The following NRXN3 variants were observed in gnomAD, a reference collection of about 807,000 sequenced individuals.
The protein encoded by NRXN3 is neurexin 3.
Under a neutral mutation model 137.6 loss-of-function variants are expected in NRXN3, and 32 were observed. The ratio of observed to expected loss-of-function variants is 0.23; its 90% CI spans 0.18 to 0.31. The LOEUF (loss-of-function observed/expected upper bound fraction) is 0.31. NRXN3 is among the 10% of genes least tolerant of loss of function. The pLI, the probability that NRXN3 is intolerant of heterozygous loss-of-function variation, is 1.00. For missense variants in NRXN3, 1,574 were observed against 2,062.5 expected, an observed-to-expected ratio of 0.76 and a Z score of 4.59; for synonymous variants, 798 against 784.5, an observed-to-expected ratio of 1.02 and a Z score of -0.29.
chr14:78,530,593 C>T (rs1325907485), intron 4 of NRXN3, among the ~76,000 whole-genome samples: 1 of 152,192 alleles, frequency 6.6e-6, no homozygotes, highest in African/African-American at 2.4e-5. Context: ...GTATGGCTCT[C>T]TTCCAGATAA....
intron 15 of NRXN3, among the ~76,000 whole-genome samples, chr14:79,115,102 A>G (rs1353664772): frequency 6.6e-6 from 1 of 152,010 alleles, no homozygotes; most frequent in Non-Finnish European, 1.5e-5. Context: ...ACAGAGGGCG[A>G]ATCACCTGAG....
intron 10 of NRXN3, among the ~76,000 whole-genome samples, chr14:78,917,461 A>G (rs752721326): frequency 6.6e-6 from 1 of 152,356 alleles, no homozygotes; most frequent in South Asian, 2.1e-4. Flanking sequence ...ACCGAAAATT[A>G]AAGTTAAAAA....
rs1567013645 is a variant in NRXN3, at chr14:78,225,981, GTGTGTGTGT to G, written c.-703-16409_-703-16401del. ...TGTGTGTGTGTGTGTGTTGGTGTGT[GTGTGTGTGT>G]GTGTGTGTGTGTGTGTGTGTGTGTG... On this transcript the variant is annotated intron_variant, in intron 1 of 20. Transcript: ENST00000335750. 2.6e-4 allele frequency among the ~76,000 whole-genome samples: 33 copies of G among 125,658 alleles called. No individual in the cohort carries two copies. The East Asian group carries it at 4.7e-3, about 18-fold the overall frequency. The allele number at this position is 125,658 out of a possible 152,430, so 82.4% of individuals were successfully genotyped here.
intron 4 of NRXN3, among the ~76,000 whole-genome samples, chr14:78,539,473 T>TA (rs1566685094): frequency 3.9e-5 from 6 of 152,200 alleles, no homozygotes; most frequent in Admixed American, 3.3e-4. Flanking sequence ...CCCTTTTTTT[T>TA]ATTGCATCTA....
intron 15 of NRXN3, among the ~76,000 whole-genome samples, chr14:79,303,634 G>A (rs1193161600): frequency 1.3e-5 from 2 of 151,922 alleles, no homozygotes; most frequent in African/African-American, 4.8e-5. Flanking sequence ...TTTTTTGTTG[G>A]GGGTGGGGGG....
At chr14:79,347,426 CTT>C (rs750931814) in intron 15 of NRXN3, among the ~76,000 whole-genome samples, 21 of 142,448 alleles carry the variant, frequency 1.5e-4, no homozygotes, top group East Asian at 2.0e-4. Flanking sequence ...CAACGTTTTC[CTT>C]TTTTTTTTTT....
At chr14:78,207,300 A>G (rs1053419597) in intron 1 of NRXN3, among the ~76,000 whole-genome samples, 1 of 152,078 alleles carries the variant, frequency 6.6e-6, no homozygotes, top group African/African-American at 2.4e-5. Context: ...CTTTCTCCAG[A>G]GCCCTGCCAC....
intron 10 of NRXN3, among the ~76,000 whole-genome samples, chr14:78,919,502 C>T (rs2099265335): frequency 6.6e-6 from 1 of 152,158 alleles, no homozygotes; most frequent in Non-Finnish European, 1.5e-5. Flanking sequence ...GTCATTTAAG[C>T]TGAATTGGGA....
rs146005520 is a variant in NRXN3 at position 78,236,289 on chromosome 14, C to G, written c.-703-6102C>G. 2.5e-3 allele frequency among the ~76,000 whole-genome samples: 388 copies of G among 152,306 alleles called. 2 individuals carry two copies. Among genetic ancestry groups the G allele is most frequent in the African/African-American group, 8.7e-3 (363 of 41,560 alleles). On this transcript the variant is annotated intron_variant, in intron 1 of 20. Coordinates refer to ENST00000335750, the MANE Select transcript of NRXN3 (RefSeq NM_001330195.2). ...CATTAACCACTATTCTGACATTTAA[C>G]AGCATAGAATAAATAATTTTGCCTC... is the stretch of plus-strand genomic sequence containing the variant.
chr14:79,141,580 A>G (rs1414586426), intron 15 of NRXN3, among the ~76,000 whole-genome samples: 1 of 152,178 alleles, frequency 6.6e-6, no homozygotes, highest in African/African-American at 2.4e-5. Flanking sequence ...AGGATCAGTG[A>G]ACAATATTAT....
chr14:79,673,010 G>A (rs927346466), intron 17 of NRXN3, among the ~76,000 whole-genome samples: 1 of 151,984 alleles, frequency 6.6e-6, no homozygotes, highest in Non-Finnish European at 1.5e-5. Flanking sequence ...AGCAGAGAAG[G>A]TAATGAAAGG....
intron 20 of NRXN3, among the ~76,000 whole-genome samples, chr14:79,828,730 A>G (rs1432695673): frequency 6.8e-6 from 1 of 146,528 alleles, no homozygotes; most frequent in Non-Finnish European, 1.5e-5. Context: ...CATGGGAGCC[A>G]TTTCCAGGCT....
At chr14:79,194,477 A>G (rs543476222) in intron 15 of NRXN3, among the ~76,000 whole-genome samples, 4 of 152,256 alleles carry the variant, frequency 2.6e-5, no homozygotes, top group Non-Finnish European at 5.9e-5. Context: ...TTTCTAGCAC[A>G]TAAGAAGATA....
At chr14:78,938,796 A>G (rs2099346878) in intron 10 of NRXN3, among the ~76,000 whole-genome samples, 1 of 150,716 alleles carries the variant, frequency 6.6e-6, no homozygotes, top group Admixed American at 6.6e-5. Context: ...CTGCTTCCAG[A>G]CCCACTCCCC....
intron 15 of NRXN3, among the ~76,000 whole-genome samples, chr14:79,261,645 T>TGGGGG (rs1568839126): frequency 4.4e-5 from 1 of 22,848 alleles, no homozygotes; most frequent in Non-Finnish European, 8.2e-5. Flanking sequence ...GTGTGTGTGA[T>TGGGGG]GGGGTGGGGG....
At chr14:78,338,886 C>A (rs1352519423) in intron 4 of NRXN3, among the ~76,000 whole-genome samples, 3 of 152,170 alleles carry the variant, frequency 2.0e-5, no homozygotes, top group African/African-American at 7.2e-5. Context: ...ATGAGGAAAT[C>A]CAGTTTCTGA....
chr14:78,213,163 A>T (rs1025619229), intron 1 of NRXN3, among the ~76,000 whole-genome samples: 5 of 152,098 alleles, frequency 3.3e-5, no homozygotes, highest in African/African-American at 1.2e-4. Flanking sequence ...GGCCTTGGGT[A>T]GCATGCTACA....
At chr14:78,627,310 G>A (rs1280040319) in intron 4 of NRXN3, among the ~76,000 whole-genome samples, 7 of 152,144 alleles carry the variant, frequency 4.6e-5, no homozygotes, top group Admixed American at 3.9e-4. Flanking sequence ...AGGCCTTCAG[G>A]AGACTGGATT....
chr14:78,318,373 C>A (rs1401055492), intron 4 of NRXN3, among the ~76,000 whole-genome samples: 7 of 152,144 alleles, frequency 4.6e-5, no homozygotes, highest in African/African-American at 1.7e-4. Flanking sequence ...TTTCCTTCTG[C>A]CTTGATCTCA....
Sources: gnomAD v4.1 joint callset for allele counts (sites outside exome capture counted in the v4.1 genomes callset) on GRCh38, gnomAD v4.1.1 for gene constraint, MANE v1.5 for transcripts, NCBI Gene and HGNC (gene_info 2026-07-23, HGNC 2026-07-21) for gene names.